Variants in ZNF354B observed in about 807,000 individuals in gnomAD.
The protein encoded by ZNF354B is zinc finger protein 354B.
ZNF354B carries 10 observed loss-of-function variants against 12.9 expected under a neutral mutation model. That is an observed-to-expected ratio of 0.77 (90% confidence interval 0.48 to 1.31). The LOEUF is 1.31. Ranked by LOEUF, ZNF354B falls within the 40% of genes most tolerant of loss-of-function variation. The pLI is 0.00. For missense variants in ZNF354B, 614 were observed against 711.7 expected, an observed-to-expected ratio of 0.86 and a Z score of 1.56; for synonymous variants, 260 against 243.7, an observed-to-expected ratio of 1.07 and a Z score of -0.62.
At position 178,861,144 on chromosome 5, in the gene ZNF354B, C is replaced by T. The variant is rs1240502693; in HGVS notation, c.33+64C>T. 6.0e-6 allele frequency: 4 copies of T among 665,458 alleles called. No individual in the cohort carries two copies. In the African/African-American group the frequency reaches 7.4e-5, roughly 12 times the overall value. 41.2% of individuals were successfully genotyped at this position (665,458 alleles called of 1,614,324 possible). A position where few individuals can be genotyped will look rare whatever the true frequency, so the allele number is the denominator to read the frequency against. ...TTCCCCACTAACTGGAGTTCTTCACCCGGGACCATCTCCAGCCAGGATGGA... is the reference window on the plus strand; with the variant it reads ...TTCCCCACTAACTGGAGTTCTTCACTCGGGACCATCTCCAGCCAGGATGGA... On this transcript the variant is annotated intron_variant, in intron 2 of 4. Transcript: ENST00000322434.
intron 4 of ZNF354B, among the ~76,000 whole-genome samples, chr5:178,870,396 C>T (rs1757542754): frequency 6.6e-6 from 1 of 152,198 alleles, no homozygotes; most frequent in Admixed American, 6.5e-5. Context: ...TGTGCTTCAG[C>T]CTCTCCGGTA....
At chr5:178,876,593 C>A (rs1458060934) in intron 4 of ZNF354B, among the ~76,000 whole-genome samples, 1 of 152,198 alleles carries the variant, frequency 6.6e-6, no homozygotes, top group Non-Finnish European at 1.5e-5. Context: ...TCTACTTTTT[C>A]TTCCTTAGAC....
Position 178,867,053 on chromosome 5 carries a change from T to A in ZNF354B, c.238T>A (p.Ser80Thr). The change falls in exon 4 of 5, where the codon TCT (serine) becomes ACT (threonine). Residue 80 changes from serine to threonine, a missense_variant. Transcript: ENST00000322434. ...TCCCTGGGAGGTGGAGAAAGACAGT[T>A]CTGGTGTCTCCTCTCTAGGTAAGTG... ...EDPWEVEKDS[S>T]GVSSLGCKST... 1 of 1,613,420 alleles carries A rather than the reference T, an allele frequency of 6.2e-7. No individual in the cohort carries two copies. The highest frequency in any genetic ancestry group is 8.5e-7 in the Non-Finnish European group (1 of 1,179,908).
chr5:178,867,078 G>A lies in ZNF354B; in HGVS notation c.256+7G>A, dbSNP rs11955077. The A allele has an allele frequency of 4.7e-3, 7,577 of 1,611,924 alleles. 289 individuals carry two copies. In the African/African-American group the frequency reaches 0.085, roughly 18 times the overall value. Reference sequence around the variant, plus strand: ...TCTGGTGTCTCCTCTCTAGGTAAGTGGGTGGCCCGAGGTGCTCGGGAATGG... The same window carrying A: ...TCTGGTGTCTCCTCTCTAGGTAAGTAGGTGGCCCGAGGTGCTCGGGAATGG... On this transcript the variant is annotated splice_region_variant and intron_variant, in intron 4 of 4. Transcript: ENST00000322434.
At chr5:178,862,742 G>T (rs1757380687) in intron 2 of ZNF354B, among the ~76,000 whole-genome samples, 1 of 152,194 alleles carries the variant, frequency 6.6e-6, no homozygotes, top group Non-Finnish European at 1.5e-5. Flanking sequence ...TTGTGCATTT[G>T]AGCTGGTATT....
chr5:178,882,622 C>G, intron 4 of ZNF354B, 87 bp from the exon 5 acceptor site: 1 of 1,366,078 alleles, frequency 7.3e-7, no homozygotes, highest in Non-Finnish European at 9.7e-7. Context: ...CAAACCCTTA[C>G]TGAGATACAA....
chr5:178,872,452 G>A (rs1344504051), intron 4 of ZNF354B, among the ~76,000 whole-genome samples: 1 of 152,186 alleles, frequency 6.6e-6, no homozygotes, highest in African/African-American at 2.4e-5. Flanking sequence ...AAACATTCAT[G>A]TGCAGGTTTT....
chr5:178,884,248 T>C lies in ZNF354B; in HGVS notation c.1796T>C (p.Ile599Thr). The C allele has an allele frequency of 6.2e-7, 1 of 1,607,218 alleles. No individual in the cohort carries two copies. Among genetic ancestry groups the C allele is most frequent in the Non-Finnish European group, 8.5e-7 (1 of 1,176,732 alleles). The change falls in exon 5 of 5, where the codon ATT (isoleucine) becomes ACT (threonine). Residue 599 changes from isoleucine to threonine, a missense_variant. Coordinates refer to ENST00000322434, the MANE Select transcript of ZNF354B (RefSeq NM_058230.3). ...TCATCCCTTACTAATCATTATAAAATTCACATTGAAGAGGACTCCTTAAAA... is the reference window on the plus strand; with the variant it reads ...TCATCCCTTACTAATCATTATAAAACTCACATTGAAGAGGACTCCTTAAAA... ...QRSSLTNHYK[I>T]HIEEDSLKAD...
At chr5:178,866,404 A>C in intron 3 of ZNF354B, 34 bp downstream of exon 3, 1 of 1,595,322 alleles carries the variant, frequency 6.3e-7, no homozygotes, top group Non-Finnish European at 8.5e-7. Context: ...ACAGAATTCA[A>C]AAATTGGGAT....
rs1195904306 is a variant in ZNF354B, at chr5:178,883,408, TC to T, written c.958del (p.His320MetfsTer111). 6.2e-7 allele frequency: 1 copy of T among 1,613,992 alleles called. No individual in the cohort carries two copies. Among genetic ancestry groups the T allele is most frequent in the South Asian group, 1.1e-5 (1 of 91,070 alleles). ...TCTGGGCTTTTTATACATCAAAAAA[TC>T]CATGCTCAAGAAAATCCCCATAAAT... Reference protein sequence around the residue: ...RRSGLFIHQKIHAQENPHKYN... With the variant: ...RRSGLFIHQKXHAQENPHKYN... On this transcript the variant is annotated frameshift_variant, in exon 5 of 5. Transcript: ENST00000322434. LOFTEE classifies it low-confidence loss of function (END_TRUNC).
chr5:178,868,394 G>C (rs1162867689), intron 4 of ZNF354B, among the ~76,000 whole-genome samples: 1 of 150,262 alleles, frequency 6.7e-6, no homozygotes, highest in East Asian at 1.9e-4. Context: ...GTTGAACTGG[G>C]GGGGCTCTGG....
intron 4 of ZNF354B, among the ~76,000 whole-genome samples, chr5:178,873,082 C>T (rs1202532311): frequency 6.6e-6 from 1 of 152,160 alleles, no homozygotes; most frequent in Non-Finnish European, 1.5e-5. Context: ...GTCACCACAC[C>T]TGGCCTGTGT....
chr5:178,882,074 A>AC (rs11445891), intron 4 of ZNF354B, among the ~76,000 whole-genome samples: 22,556 of 152,122 alleles, frequency 0.15, 2,052 homozygotes, highest in African/African-American at 0.25. Context: ...TAGCTTTAGG[A>AC]CAAAGGTCTA....
chr5:178,866,863 T>C (rs1581809230), intron 3 of ZNF354B, 113 bp from the exon 4 acceptor site: 1 of 959,296 alleles, frequency 1.0e-6, no homozygotes, highest in Non-Finnish European at 1.6e-6. Flanking sequence ...AATTACATCA[T>C]ACATGCAACA....
intron 2 of ZNF354B, among the ~76,000 whole-genome samples, chr5:178,865,266 C>T (rs1250610769): frequency 2.7e-5 from 4 of 147,306 alleles, no homozygotes; most frequent in Admixed American, 1.3e-4. Context: ...TGACTTTAGA[C>T]GAATTTTTTT....
intron 2 of ZNF354B, among the ~76,000 whole-genome samples, chr5:178,862,239 A>G (rs78757087): frequency 0.15 from 22,633 of 152,118 alleles, 2,067 homozygotes; most frequent in African/African-American, 0.26. Context: ...TAACCTGAGT[A>G]CAGTCCAAGT....
chr5:178,868,974 A>C (rs1368805495), intron 4 of ZNF354B, among the ~76,000 whole-genome samples: 1 of 110,164 alleles, frequency 9.1e-6, no homozygotes. Context: ...TCCAACTCAA[A>C]AAAAAAAAAA....
At chr5:178,870,048 ACGC>A (rs1221494348) in intron 4 of ZNF354B, among the ~76,000 whole-genome samples, 1 of 151,704 alleles carries the variant, frequency 6.6e-6, no homozygotes, top group Admixed American at 6.6e-5. Flanking sequence ...GAGGTGGGTC[ACGC>A]CTGTGATTCC....
At chr5:178,863,660 G>C (rs938147835) in intron 2 of ZNF354B, among the ~76,000 whole-genome samples, 2 of 152,156 alleles carry the variant, frequency 1.3e-5, no homozygotes, top group African/African-American at 4.8e-5. Context: ...AAAGTTAACT[G>C]TAACAGCCTC....
Sources: allele counts gnomAD v4.1 joint callset (sites outside exome capture counted in the v4.1 genomes callset), GRCh38; gene constraint gnomAD v4.1.1; transcripts MANE v1.5; gene names NCBI Gene and HGNC (gene_info 2026-07-23, HGNC 2026-07-21).